The following ZDHHC23 variants were observed in gnomAD, a reference collection of about 807,000 sequenced individuals.
ZDHHC23 encodes zDHHC palmitoyltransferase 23, also known as palmitoyltransferase ZDHHC23.
ZDHHC23 carries 41 observed loss-of-function variants against 40.2 expected under a neutral mutation model. That is an observed-to-expected ratio of 1.02 (90% CI 0.79 to 1.32). The LOEUF is 1.32. Among genes scored for constraint, ZDHHC23 ranks in the 40% most tolerant of loss-of-function variants. The pLI, the probability that ZDHHC23 is intolerant of heterozygous loss-of-function variation, is 0.00. For missense variants in ZDHHC23, 471 were observed against 541.5 expected (o/e 0.87, Z 1.29); for synonymous variants, 204 against 210.2 (o/e 0.97, Z 0.26).
At chr3:113,976,090 C>G in the ZDHHC23 span, among the ~76,000 whole-genome samples, 1 of 141,998 alleles carries the variant, frequency 7.0e-6, no homozygotes, top group Non-Finnish European at 1.6e-5. Flanking sequence ...AAAACGCTGT[C>G]TCTACTAAAA....
At chr3:113,968,116 A>C (rs887100971), downstream of ZDHHC23, among the ~76,000 whole-genome samples, 1 of 152,088 alleles carries the variant, frequency 6.6e-6, no homozygotes, top group African/African-American at 2.4e-5. Flanking sequence ...TATCTCTTGG[A>C]TGTATTGATT....
At position 113,958,988 on chromosome 3, in the gene ZDHHC23, C is replaced by A; in HGVS notation, c.*358C>A. On this transcript the variant is annotated 3_prime_UTR_variant, in exon 5 of 5. Coordinates refer to ENST00000638807, the MANE Select transcript of ZDHHC23 (RefSeq NM_001320466.2). ...ATAGTTTCTAGTCCCTCTTTCGATTCTTAATAGCCATGTGACCCCTAGCTG... is the reference window on the plus strand; with the variant it reads ...ATAGTTTCTAGTCCCTCTTTCGATTATTAATAGCCATGTGACCCCTAGCTG... The A allele has an allele frequency of 8.6e-7, 1 of 1,165,754 alleles. No individual in the cohort carries two copies. 72.2% of individuals were successfully genotyped at this position (1,165,754 alleles called of 1,614,324 possible). A position where few individuals can be genotyped will look rare whatever the true frequency, so the allele number is the denominator to read the frequency against.
At chr3:113,956,312 T>G in intron 3 of ZDHHC23, 27 bp from the exon 4 acceptor site, 1 of 1,594,412 alleles carries the variant, frequency 6.3e-7, no homozygotes, top group Non-Finnish European at 8.5e-7. Context: ...ATGTGTTTGC[T>G]TTTTTATTTC....
chr3:113,978,400 C>G, the ZDHHC23 span: 1 of 1,486,030 alleles, frequency 6.7e-7, no homozygotes. Flanking sequence ...AGCAAATAAA[C>G]AGCACAAAAG....
chr3:113,951,197 G>A (rs2107447397), intron 2 of ZDHHC23, among the ~76,000 whole-genome samples: 1 of 152,268 alleles, frequency 6.6e-6, no homozygotes, highest in East Asian at 1.9e-4. Context: ...GCTCCAAGCA[G>A]GCATTGCCTC....
chr3:113,968,012 ATTTTC>A (rs1242221197), downstream of ZDHHC23, among the ~76,000 whole-genome samples: 2 of 151,898 alleles, frequency 1.3e-5, no homozygotes, highest in Admixed American at 6.6e-5. Context: ...TATATACCAT[ATTTTC>A]TTTATGCATT....
At position 113,958,940 on chromosome 3, in the gene ZDHHC23, G is replaced by A; in HGVS notation, c.*310G>A. ...AGAAGCAATTCCCATCCATTAGTATGGAGGAAAGAGTGTTGGATTAGGATA... is the reference window on the plus strand; with the variant it reads ...AGAAGCAATTCCCATCCATTAGTATAGAGGAAAGAGTGTTGGATTAGGATA... On this transcript the variant is annotated 3_prime_UTR_variant, in exon 5 of 5. Coordinates refer to ENST00000638807, the MANE Select transcript of ZDHHC23 (RefSeq NM_001320466.2). 8.2e-7 allele frequency: 1 copy of A among 1,213,182 alleles called. No individual in the cohort carries two copies. The highest frequency in any genetic ancestry group is 3.2e-5 in the Admixed American group (1 of 31,140). 75.2% of individuals were successfully genotyped at this position (1,213,182 alleles called of 1,614,324 possible).
At chr3:113,957,508 G>T in intron 4 of ZDHHC23, 1 of 365,206 alleles carries the variant, frequency 2.7e-6, no homozygotes, top group Non-Finnish European at 5.4e-6. Flanking sequence ...CTGAAGCACA[G>T]CATGTCTGTG....
chr3:113,949,586 T>G (rs1027688815), intron 2 of ZDHHC23, among the ~76,000 whole-genome samples: 16 of 152,224 alleles, frequency 1.1e-4, no homozygotes, highest in Non-Finnish European at 2.1e-4. Flanking sequence ...ATTTTTAACA[T>G]CACTGAAAAA....
intron 2 of ZDHHC23, among the ~76,000 whole-genome samples, chr3:113,952,961 A>G (rs1481185774): frequency 1.3e-5 from 2 of 152,180 alleles, no homozygotes; most frequent in Non-Finnish European, 2.9e-5. Context: ...GTTTCAGCAT[A>G]TGAATTTTGG....
At position 113,948,894 on chromosome 3, in the gene ZDHHC23, G is replaced by C. The variant is rs904745563; in HGVS notation, c.92G>C (p.Arg31Pro). The stretch of plus-strand genomic sequence containing the variant: ...CTGTGCTGCTGCGAGTACATAGATC[G>C]GAATGGGGAAAAGAACCACGTGGCT... ...EPLCCCEYID[R>P]NGEKNHVATC... The change falls in exon 2 of 5, where the codon CGG (arginine) becomes CCG (proline). Residue 31 changes from arginine (R) to proline (P), a missense_variant. Around this residue, in one of 3 missense-constraint regions of ZDHHC23, gnomAD observed 83 missense variants for 67.8 expected, o/e 1.22. Transcript: ENST00000638807. The C allele has an allele frequency of 3.1e-6, 5 of 1,614,064 alleles. No individual in the cohort carries two copies. In the Admixed American group the frequency reaches 8.3e-5, roughly 27 times the overall value.
the ZDHHC23 span, among the ~76,000 whole-genome samples, chr3:113,977,266 G>C: frequency 5.9e-4 from 90 of 152,036 alleles, 1 homozygote; most frequent in Non-Finnish European, 2.6e-4. Flanking sequence ...TTCAGCCCGG[G>C]CAACAGAGTA....
chr3:113,965,118 G>T, downstream of ZDHHC23: 1 of 1,386,062 alleles, frequency 7.2e-7, no homozygotes, highest in Non-Finnish European at 9.9e-7. Context: ...ATACAGACTA[G>T]TCGAGCTTCC....
chr3:113,954,181 A>G lies in ZDHHC23; in HGVS notation c.643A>G (p.Arg215Gly). The G allele has an allele frequency of 6.2e-7, 1 of 1,614,244 alleles. No homozygotes were observed. The highest frequency in any genetic ancestry group is 8.5e-7 in the Non-Finnish European group (1 of 1,180,046). The change falls in exon 3 of 5, where the codon AGA becomes GGA. Residue 215 changes from arginine to glycine, a missense_variant. Physicochemically the swap from Arg to Gly is moderately radical, Grantham distance 125. Transcript: ENST00000638807. ...LSSSQLECLS[R>G]KGQEKTKGFP... is the part of the protein sequence containing the mutation. ...CAGCAGCCAGCTGGAGTGCCTGAGCAGAAAAGGGCAGGAGAAGACCAAAGG... is the reference window on the plus strand; with the variant it reads ...CAGCAGCCAGCTGGAGTGCCTGAGCGGAAAAGGGCAGGAGAAGACCAAAGG...
intron 3 of ZDHHC23, among the ~76,000 whole-genome samples, chr3:113,956,112 T>C (rs912847608): frequency 6.6e-6 from 1 of 152,084 alleles, no homozygotes; most frequent in African/African-American, 2.4e-5. Context: ...CATGGTGGCA[T>C]GTGCCTGTAA....
the ZDHHC23 span, among the ~76,000 whole-genome samples, chr3:113,972,172 T>C: frequency 6.6e-6 from 1 of 152,106 alleles, no homozygotes; most frequent in African/African-American, 2.4e-5. Context: ...AGTTGACTTA[T>C]TTTTTGAAGT....
At chr3:113,978,726 A>T in the ZDHHC23 span, 4 of 898,570 alleles carry the variant, frequency 4.5e-6, no homozygotes, top group Non-Finnish European at 6.9e-6. Flanking sequence ...ATTTCAAAGC[A>T]GTGAATGGGA....
At chr3:113,956,592 G>T (rs886451784) in intron 4 of ZDHHC23, 86 bp downstream of exon 4, 2 of 1,379,166 alleles carry the variant, frequency 1.5e-6, no homozygotes. Flanking sequence ...TTGGTTAGGA[G>T]TTCTCAATCA....
At position 113,948,917 on chromosome 3, in the gene ZDHHC23, G is replaced by C. The variant is rs371983740; in HGVS notation, c.115G>C (p.Ala39Pro). Residue 39 changes from alanine to proline, a missense_variant, in exon 2 of 5, where the codon GCT becomes CCT. Transcript: ENST00000638807. ...IDRNGEKNHV[A>P]TCLCDCQDLD... ...TCGGAATGGGGAAAAGAACCACGTG[G>C]CTACTTGTTTGTGTGATTGTCAAGA... 1.9e-6 allele frequency: 3 copies of C among 1,614,072 alleles called. No individual in the cohort carries two copies. In the African/African-American group the frequency reaches 4.0e-5, roughly 22 times the overall value.
Sources: allele counts gnomAD v4.1 joint callset (sites outside exome capture counted in the v4.1 genomes callset), GRCh38; gene constraint gnomAD v4.1.1; regional missense constraint gnomAD v4.1.1; transcripts MANE v1.5; gene names NCBI Gene and HGNC (gene_info 2026-07-23, HGNC 2026-07-21).